The following LTBP2 variants were observed in gnomAD, a reference collection of about 807,000 sequenced individuals.
The protein encoded by LTBP2 is latent-transforming growth factor beta-binding protein 2.
Under a neutral mutation model 210.6 loss-of-function variants are expected in LTBP2, and 103 were observed. The observed-to-expected ratio is 0.49, with a 90% confidence interval of 0.42 to 0.58. The LOEUF (loss-of-function observed/expected upper bound fraction) is 0.58, where lower values mean the gene tolerates loss of function less well. Ranked by LOEUF, LTBP2 falls within the 20% of genes least tolerant of loss-of-function variation. The pLI is 0.00. For missense variants in LTBP2, 2,313 were observed against 2,494.5 expected (o/e 0.93, Z 1.55); for synonymous variants, 1,007 against 1,015.0 (o/e 0.99, Z 0.15).
At chr14:74,545,562 G>C (rs1237795327) in intron 8 of LTBP2, among the ~76,000 whole-genome samples, 1 of 152,236 alleles carries the variant, frequency 6.6e-6, no homozygotes, top group Non-Finnish European at 1.5e-5. Flanking sequence ...TGTAGGCCCT[G>C]AGCCATGTGC....
chr14:74,557,644 T>C (rs1187693930), intron 3 of LTBP2, among the ~76,000 whole-genome samples: 1 of 152,188 alleles, frequency 6.6e-6, no homozygotes, highest in Non-Finnish European at 1.5e-5. Context: ...TCTCTTGATG[T>C]TTATTATTGG....
At chr14:74,543,151 G>A (rs997187456) in intron 8 of LTBP2, among the ~76,000 whole-genome samples, 3 of 151,854 alleles carry the variant, frequency 2.0e-5, no homozygotes, top group Admixed American at 6.5e-5. Context: ...GGCCAAGGCA[G>A]GCAGATCACG....
chr14:74,583,495 G>A (rs1249372007), intron 3 of LTBP2, among the ~76,000 whole-genome samples: 1 of 152,240 alleles, frequency 6.6e-6, no homozygotes, highest in East Asian at 1.9e-4. Flanking sequence ...AGACTAGGCT[G>A]GCCTGGAGGC....
intron 8 of LTBP2, among the ~76,000 whole-genome samples, chr14:74,539,291 T>C (rs975229048): frequency 1.3e-5 from 2 of 152,230 alleles, no homozygotes; most frequent in African/African-American, 2.4e-5. Flanking sequence ...ATCGGGCCTC[T>C]AGCTGTGAAG....
At chr14:74,527,806 A>G (rs2087293417) in intron 12 of LTBP2, among the ~76,000 whole-genome samples, 1 of 152,138 alleles carries the variant, frequency 6.6e-6, no homozygotes, top group Non-Finnish European at 1.5e-5. Context: ...TTGAGGAAGG[A>G]GTGGAATTGC....
chr14:74,600,157 C>A (rs1385852993), intron 2 of LTBP2, among the ~76,000 whole-genome samples: 1 of 152,196 alleles, frequency 6.6e-6, no homozygotes. Flanking sequence ...CAACACCCCA[C>A]CGCCCGCCTG....
Position 74,535,989 on chromosome 14 carries a change from T to C in LTBP2, c.1801A>G (p.Ile601Val). 6.2e-7 allele frequency: 1 copy of C among 1,614,120 alleles called. No homozygotes were observed. The highest frequency in any genetic ancestry group is 1.1e-5 in the South Asian group (1 of 91,080). ...GGACACTCCAGCTGGCCATTCTCAA[T>C]CACCGGGGAGGCTGAAGAGTGGAGA... ...PCPPRPASPV[I>V]ENGQLECPQG... The change falls in exon 9 of 36, where the codon ATT becomes GTT. Residue 601 changes from isoleucine to valine, a missense_variant. This residue lies in a region of LTBP2 where 1,867 missense variants were observed against 1,976.9 expected (regional missense o/e 0.94). Coordinates refer to ENST00000261978, the MANE Select transcript of LTBP2 (RefSeq NM_000428.3).
chr14:74,532,763 A>T (rs1050383575), intron 9 of LTBP2, among the ~76,000 whole-genome samples: 1 of 152,248 alleles, frequency 6.6e-6, no homozygotes, highest in African/African-American at 2.4e-5. Context: ...TAAATGGATA[A>T]GATCAAATTG....
rs150213096 is a variant in LTBP2 at position 74,552,344 on chromosome 14, G to A, written c.1242C>T (p.Asp414=). ...CLNGGRCIGR[D]ECWCPANSTG... ...TGGAGTTGGCGGGGCACCAGCATTC[G>A]TCCCTGCCGATGCAGCGGCCTCCGT... Residue 414 remains aspartate, a synonymous_variant, in exon 6 of 36, where the codon GAC becomes GAT. Transcript: ENST00000261978. 289 of 1,611,520 alleles carry A rather than the reference G, an allele frequency of 1.8e-4. No homozygotes were observed. The highest frequency in any genetic ancestry group is 1.0e-3 in the African/African-American group (78 of 75,048).
chr14:74,509,157 G>C, intron 22 of LTBP2, 81 bp downstream of exon 22: 9 of 1,605,030 alleles, frequency 5.6e-6, no homozygotes, highest in Non-Finnish European at 7.7e-6. Flanking sequence ...AGCCTCAGCA[G>C]CCCCCCACCT....
intron 3 of LTBP2, among the ~76,000 whole-genome samples, chr14:74,558,559 G>A (rs1433552050): frequency 6.6e-6 from 1 of 152,206 alleles, no homozygotes; most frequent in Non-Finnish European, 1.5e-5. Flanking sequence ...TCCCAGAGAG[G>A]TGAAAAGAGT....
chr14:74,511,045 A>G (rs1361190663), intron 19 of LTBP2, among the ~76,000 whole-genome samples, 200 bp downstream of exon 19: 2 of 152,222 alleles, frequency 1.3e-5, no homozygotes, highest in African/African-American at 2.4e-5. Context: ...AGAGGAGAAA[A>G]GGGCCCCACC....
At chr14:74,544,228 C>T (rs1223180494) in intron 8 of LTBP2, among the ~76,000 whole-genome samples, 1 of 152,172 alleles carries the variant, frequency 6.6e-6, no homozygotes, top group Non-Finnish European at 1.5e-5. Context: ...GAACAGGAGC[C>T]CCACCCCAGC....
chr14:74,550,163 C>T (rs910330979), intron 7 of LTBP2, among the ~76,000 whole-genome samples, 198 bp from the exon 8 acceptor site: 2 of 152,232 alleles, frequency 1.3e-5, no homozygotes, highest in Non-Finnish European at 2.9e-5. Flanking sequence ...ACTCTCCCAG[C>T]CCTGAACCTT....
At chr14:74,591,293 G>A (rs553197176) in intron 2 of LTBP2, among the ~76,000 whole-genome samples, 22 of 152,208 alleles carry the variant, frequency 1.4e-4, no homozygotes, top group Non-Finnish European at 2.8e-4. Context: ...GGTTAGGGCT[G>A]GCAAACTTTG....
In LTBP2 at chr14:74,508,589, G is replaced by C. The variant is rs1203465479; in HGVS notation, c.3652+15C>G. 1 of 1,601,340 alleles carries C rather than the reference G, an allele frequency of 6.2e-7. No homozygotes were observed. Among genetic ancestry groups the C allele is most frequent in the African/African-American group, 1.3e-5 (1 of 74,878 alleles). ...ATGCTCCTGGCCAGTAGAGGTAGCT[G>C]TGCTGGCTTCTCACCCTGGCAGCTG... On this transcript the variant is annotated intron_variant, in intron 24 of 35. Coordinates refer to ENST00000261978, the MANE Select transcript of LTBP2 (RefSeq NM_000428.3).
intron 3 of LTBP2, among the ~76,000 whole-genome samples, chr14:74,560,603 C>T (rs2087781784): frequency 6.6e-6 from 1 of 152,224 alleles, no homozygotes; most frequent in African/African-American, 2.4e-5. Context: ...CTACCCCATT[C>T]ACCCTCACCC....
At chr14:74,544,777 G>C (rs1441291199) in intron 8 of LTBP2, among the ~76,000 whole-genome samples, 1 of 152,170 alleles carries the variant, frequency 6.6e-6, no homozygotes, top group Non-Finnish European at 1.5e-5. Flanking sequence ...GTTCTTGGTA[G>C]TCATTCTCCC....
chr14:74,571,514 G>A (rs1214499826), intron 3 of LTBP2, among the ~76,000 whole-genome samples: 1 of 152,236 alleles, frequency 6.6e-6, no homozygotes, highest in Non-Finnish European at 1.5e-5. Flanking sequence ...GCATAGCTAA[G>A]TGGTGGAGCT....
Sources: gnomAD v4.1 joint callset for allele counts (sites outside exome capture counted in the v4.1 genomes callset) on GRCh38, gnomAD v4.1.1 for gene constraint, gnomAD v4.1.1 regional missense constraint, MANE v1.5 for transcripts, NCBI Gene and HGNC (gene_info 2026-07-23, HGNC 2026-07-21) for gene names.